Variants in SFT2D2 observed in about 807,000 individuals in gnomAD.
SFT2D2 encodes the protein vesicle transport protein SFT2B.
In SFT2D2, 21 loss-of-function variants were observed where a neutral mutation model predicts 27.4. The ratio of observed to expected loss-of-function variants is 0.77; its 90% CI spans 0.54 to 1.10. The LOEUF (loss-of-function observed/expected upper bound fraction) is 1.10. SFT2D2 is among the 50% of genes least tolerant of loss of function. SFT2D2 has a pLI of 0.00. For synonymous variants in SFT2D2, 72 were observed against 71.7 expected (o/e 1.00, Z -0.02); for missense variants, 187 against 194.2 (o/e 0.96, Z 0.22).
At position 168,226,190 on chromosome 1, in the gene SFT2D2, T is replaced by A. The variant is rs200493407; in HGVS notation, c.63+48T>A. 12 of 1,496,578 alleles carry A rather than the reference T, an allele frequency of 8.0e-6. No homozygotes were observed. The East Asian group carries it at 2.1e-4, about 27-fold the overall frequency. 92.7% of individuals were successfully genotyped at this position (1,496,578 alleles called of 1,614,324 possible). ...GCCCCCTCTCGCCGCGCTCCCGCCC[T>A]GCGTCCCCTGCCCGGGCCTGGGAAG... On this transcript the variant is annotated intron_variant, in intron 1 of 7. Transcript: ENST00000271375.
In SFT2D2 at chr1:168,246,756, C is replaced by T. The variant is rs755560260; in HGVS notation, c.*4216C>T. The T allele has an allele frequency of 3.7e-5, 29 of 774,466 alleles. No individual in the cohort carries two copies. The highest frequency in any genetic ancestry group is 1.8e-4 in the Admixed American group (9 of 50,268). 48.0% of individuals were successfully genotyped at this position (774,466 alleles called of 1,614,324 possible). A position where few individuals can be genotyped will look rare whatever the true frequency, so the allele number is the denominator to read the frequency against. ...TTGTTTTTCCTTCTCCAGTTTAGAA[C>T]GGAGCATTGTGTTCTCATCTGTCAG... On this transcript the variant is annotated 3_prime_UTR_variant, in exon 8 of 8. Transcript: ENST00000271375.
At chr1:168,234,594 A>G (rs954700280) in intron 3 of SFT2D2, among the ~76,000 whole-genome samples, 4 of 152,204 alleles carry the variant, frequency 2.6e-5, no homozygotes, top group African/African-American at 9.7e-5. Flanking sequence ...ACATTCAACA[A>G]ATAACCCATG....
At chr1:168,235,225 T>C in intron 4 of SFT2D2, 43 bp downstream of exon 4, 2 of 1,566,986 alleles carry the variant, frequency 1.3e-6, no homozygotes, top group Non-Finnish European at 1.8e-6. Flanking sequence ...TGGGAGTTTT[T>C]ATTTCTATTG....
chr1:168,234,005 C>T (rs908758189), intron 3 of SFT2D2, among the ~76,000 whole-genome samples: 7 of 152,116 alleles, frequency 4.6e-5, no homozygotes, highest in South Asian at 2.1e-4. Flanking sequence ...ACTTATTGGC[C>T]GGGTGTGGTG....
rs775677211 is a variant in SFT2D2, at chr1:168,231,558, CT to C, written c.110del (p.Phe37SerfsTer7). 3 of 1,613,844 alleles carry C rather than the reference CT, an allele frequency of 1.9e-6. No homozygotes were observed. The highest frequency in any genetic ancestry group is 2.5e-6 in the Non-Finnish European group (3 of 1,180,004). Reference protein sequence around the residue: ...SLSWSTRIKGFIACFAIGILC... With the variant: ...SLSWSTRIKGXIACFAIGILC... ...TAAGCTGGAGTACCAGGATAAAAGGCTTCATTGCGTGTTTTGCTATAGGAAT... is the reference window on the plus strand; with the variant it reads ...TAAGCTGGAGTACCAGGATAAAAGGCTCATTGCGTGTTTTGCTATAGGAAT... On this transcript the variant is annotated frameshift_variant, in exon 2 of 8. Transcript: ENST00000271375. LOFTEE classifies it high-confidence loss of function.
chr1:168,229,182 A>G (rs1466867988), intron 1 of SFT2D2, among the ~76,000 whole-genome samples: 1 of 152,160 alleles, frequency 6.6e-6, no homozygotes, highest in African/African-American at 2.4e-5. Context: ...TCTTGGCTGA[A>G]CTGCTTCCTA....
Position 168,246,537 on chromosome 1 carries a change from C to T in SFT2D2, c.*3997C>T. ...CAGTTTTGAGGCACCTGGACTTACT[C>T]TCAGCTTTAGAAAGTTGCTGAGAAA... On this transcript the variant is annotated 3_prime_UTR_variant, in exon 8 of 8. Transcript: ENST00000271375. The T allele has an allele frequency of 4.0e-6, 6 of 1,504,070 alleles. No homozygotes were observed. In the South Asian group the frequency reaches 5.6e-5, roughly 14 times the overall value. The allele number at this position is 1,504,070 out of a possible 1,614,324, so 93.2% of individuals were successfully genotyped here.
In SFT2D2 at chr1:168,244,174, GTTTT is replaced by G. The variant is rs1478783133; in HGVS notation, c.*1646_*1649del. On this transcript the variant is annotated 3_prime_UTR_variant, in exon 8 of 8. Transcript: ENST00000271375. Reference sequence around the variant, plus strand: ...CTACTGTGGCTAAGAACTCTGACTGGTTTTTTTTTTTTTTTCTTTTTGAGATGGA... The same window carrying G: ...CTACTGTGGCTAAGAACTCTGACTGGTTTTTTTTTTTCTTTTTGAGATGGA... 7.1e-6 allele frequency: 1 copy of G among 141,538 alleles called. No homozygotes were observed. Among genetic ancestry groups the G allele is most frequent in the Non-Finnish European group, 1.6e-5 (1 of 64,258 alleles). The allele number at this position is 141,538 out of a possible 1,614,324, so 8.8% of individuals were successfully genotyped here.
At position 168,243,147 on chromosome 1, in the gene SFT2D2, G is replaced by A. The variant is rs770793975; in HGVS notation, c.*607G>A. 1 of 152,818 alleles carries A rather than the reference G, an allele frequency of 6.5e-6. No homozygotes were observed. Among genetic ancestry groups the A allele is most frequent in the Non-Finnish European group, 1.5e-5 (1 of 68,594 alleles). 9.5% of individuals were successfully genotyped at this position (152,818 alleles called of 1,614,324 possible). ...AGCATTCTTGGTGTTCTGATTCTGC[G>A]CCTGACTGTGGAATGTATTTTCTGA... On this transcript the variant is annotated 3_prime_UTR_variant, in exon 8 of 8. Transcript: ENST00000271375.
chr1:168,242,497 C>G lies in SFT2D2; in HGVS notation c.444-4C>G, dbSNP rs544327512. 32 of 1,614,000 alleles carry G rather than the reference C, an allele frequency of 2.0e-5. No homozygotes were observed. In the South Asian group the frequency reaches 3.1e-4, roughly 16 times the overall value. On this transcript the variant is annotated splice_polypyrimidine_tract_variant and splice_region_variant and intron_variant, in intron 7 of 7. Transcript: ENST00000271375. ...CACTCATCTTTGTGTCTTTTCTTTC[C>G]TAGGGATGCTGTGAAGAAGTGTTTT...
intron 7 of SFT2D2, 98 bp from the exon 8 acceptor site, chr1:168,242,403 G>C (rs1647674159): frequency 7.8e-7 from 1 of 1,278,986 alleles, no homozygotes; most frequent in Non-Finnish European, 1.1e-6. Context: ...TTTCAGTCTA[G>C]GTGCTTTCTA....
At chr1:168,236,795 C>A (rs1372231074) in intron 6 of SFT2D2, 25 bp downstream of exon 6, 1 of 1,610,924 alleles carries the variant, frequency 6.2e-7, no homozygotes, top group Non-Finnish European at 8.5e-7. Flanking sequence ...AAACAATCCC[C>A]TCCCACATAG....
intron 7 of SFT2D2, among the ~76,000 whole-genome samples, chr1:168,242,218 A>G (rs562515529): frequency 9.2e-5 from 14 of 152,312 alleles, no homozygotes; most frequent in South Asian, 4.1e-4. Flanking sequence ...CTGACAGTCT[A>G]TGTTATCTTT....
At chr1:168,240,526 T>C (rs1174386265) in intron 7 of SFT2D2, among the ~76,000 whole-genome samples, 1 of 152,178 alleles carries the variant, frequency 6.6e-6, no homozygotes, top group Non-Finnish European at 1.5e-5. Context: ...CAATGAGATA[T>C]TGATCAACCT....
chr1:168,242,884 C>G lies in SFT2D2; in HGVS notation c.*344C>G, dbSNP rs1190780285. 2 of 314,596 alleles carry G rather than the reference C, an allele frequency of 6.4e-6. No individual in the cohort carries two copies. Among genetic ancestry groups the G allele is most frequent in the East Asian group, 7.2e-5 (1 of 13,870 alleles). The allele number at this position is 314,596 out of a possible 1,614,324, so 19.5% of individuals were successfully genotyped here. A position where few individuals can be genotyped will look rare whatever the true frequency, so the allele number is the denominator to read the frequency against. On this transcript the variant is annotated 3_prime_UTR_variant, in exon 8 of 8. Coordinates refer to ENST00000271375, the MANE Select transcript of SFT2D2 (RefSeq NM_199344.3). ...TTGGGTGCAAGTGATTCCCAGGTGGCAAAAGGCAGCCCCATCAGAGATCAC... is the reference window on the plus strand; with the variant it reads ...TTGGGTGCAAGTGATTCCCAGGTGGGAAAAGGCAGCCCCATCAGAGATCAC...
At position 168,232,520 on chromosome 1, in the gene SFT2D2, G is replaced by A. The variant is rs142498800; in HGVS notation, c.236+601G>A. ...ACCTGAATGACCTGCAGGAACCTGA[G>A]CTCAGTCATCTTGTTTCCCCCTTTT... On this transcript the variant is annotated intron_variant, in intron 3 of 7. Coordinates refer to ENST00000271375, the MANE Select transcript of SFT2D2 (RefSeq NM_199344.3). Among the ~76,000 whole-genome samples, 1,427 of 152,310 alleles carry A rather than the reference G, an allele frequency of 9.4e-3. 17 individuals are homozygous for A. Among genetic ancestry groups the A allele is most frequent in the African/African-American group, 0.031 (1,291 of 41,560 alleles).
rs115155766 is a variant in SFT2D2 at position 168,243,919 on chromosome 1, T to A, written c.*1379T>A. ...ACTGTCCCTTGTGTTCCCTTTCAGCTCCTCCTTGTTGCCTGACTACGATTA... is the reference window on the plus strand; with the variant it reads ...ACTGTCCCTTGTGTTCCCTTTCAGCACCTCCTTGTTGCCTGACTACGATTA... On this transcript the variant is annotated 3_prime_UTR_variant, in exon 8 of 8. Transcript: ENST00000271375. 2,304 of 152,548 alleles carry A rather than the reference T, an allele frequency of 0.015. 19 individuals carry two copies. The highest frequency in any genetic ancestry group is 0.023 in the Non-Finnish European group (1,566 of 68,216). The allele number at this position is 152,548 out of a possible 1,614,324, so 9.4% of individuals were successfully genotyped here.
chr1:168,229,967 C>T (rs1028590495), intron 1 of SFT2D2, among the ~76,000 whole-genome samples: 3 of 152,152 alleles, frequency 2.0e-5, no homozygotes, highest in East Asian at 1.9e-4. Context: ...ACACTGGGCC[C>T]CTGCTGTCTG....
chr1:168,246,992 T>G lies in SFT2D2; in HGVS notation c.*4452T>G, dbSNP rs545065857. The G allele has an allele frequency of 3.5e-4, 194 of 558,014 alleles. No individual in the cohort carries two copies. The highest frequency in any genetic ancestry group is 5.4e-4 in the Non-Finnish European group (161 of 296,474). 34.6% of individuals were successfully genotyped at this position (558,014 alleles called of 1,614,324 possible). A position where few individuals can be genotyped will look rare whatever the true frequency, so the allele number is the denominator to read the frequency against. On this transcript the variant is annotated 3_prime_UTR_variant, in exon 8 of 8. Coordinates refer to ENST00000271375, the MANE Select transcript of SFT2D2 (RefSeq NM_199344.3). ...TCAAATGGTTTTTATGCAACAGGTC[T>G]TCTTCTTTTTCATGACTATCAGAAA...
Sources: gnomAD v4.1 joint callset for allele counts (sites outside exome capture counted in the v4.1 genomes callset) on GRCh38, gnomAD v4.1.1 for gene constraint, MANE v1.5 for transcripts, NCBI Gene and HGNC (gene_info 2026-07-23, HGNC 2026-07-21) for gene names.